Variants in TMTC2 observed in about 807,000 individuals in gnomAD.
TMTC2 encodes the protein protein O-mannosyl-transferase TMTC2.
Under a neutral mutation model 82.4 loss-of-function variants are expected in TMTC2, and 43 were observed. The ratio of observed to expected loss-of-function variants is 0.52; its 90% CI spans 0.41 to 0.67. TMTC2 has a LOEUF of 0.67. Among genes scored for constraint, TMTC2 ranks in the 30% least tolerant of loss-of-function variants. The pLI, the probability that TMTC2 is intolerant of heterozygous loss-of-function variation, is 0.00. For synonymous variants in TMTC2, 408 were observed against 381.9 expected, an observed-to-expected ratio of 1.07 and a Z score of -0.80; for missense variants, 919 against 1,012.4, an observed-to-expected ratio of 0.91 and a Z score of 1.25.
intron 11 of TMTC2, among the ~76,000 whole-genome samples, chr12:83,112,821 C>G (rs954260095): frequency 6.6e-6 from 1 of 152,074 alleles, no homozygotes; most frequent in Non-Finnish European, 1.5e-5. Flanking sequence ...ATCGCTATTT[C>G]AAGGTTGTTT....
intron 4 of TMTC2, among the ~76,000 whole-genome samples, chr12:82,931,204 C>T (rs988102928): frequency 6.6e-6 from 1 of 151,842 alleles, no homozygotes; most frequent in Non-Finnish European, 1.5e-5. Flanking sequence ...CCACTGTGCC[C>T]AGCCTTGATT....
chr12:82,997,221 C>CTATATATA (rs1183203782), intron 8 of TMTC2, among the ~76,000 whole-genome samples: 2 of 118,536 alleles, frequency 1.7e-5, no homozygotes, highest in African/African-American at 7.3e-5. Context: ...CTCTCTCTCT[C>CTATATATA]TATATATATA....
intron 7 of TMTC2, among the ~76,000 whole-genome samples, chr12:82,980,450 G>A (rs1878865908): frequency 6.6e-6 from 1 of 151,722 alleles, no homozygotes; most frequent in Admixed American, 6.6e-5. Flanking sequence ...GGAGAGACTA[G>A]AAATTAGGTA....
intron 1 of TMTC2, among the ~76,000 whole-genome samples, chr12:82,763,003 ATAAT>A (rs1481529528): frequency 1.3e-5 from 2 of 151,296 alleles, no homozygotes; most frequent in Non-Finnish European, 2.9e-5. Context: ...TAATTTATAA[ATAAT>A]TAGTTAATTA....
At chr12:82,812,801 AT>A (rs947016367) in intron 1 of TMTC2, among the ~76,000 whole-genome samples, 8 of 152,060 alleles carry the variant, frequency 5.3e-5, no homozygotes, top group South Asian at 4.2e-4. Flanking sequence ...ATAATTAACT[AT>A]TTTTTAATGT....
intron 1 of TMTC2, among the ~76,000 whole-genome samples, chr12:82,768,211 C>T (rs564868915): frequency 3.3e-5 from 5 of 152,174 alleles, no homozygotes; most frequent in African/African-American, 7.2e-5. Flanking sequence ...GCCCAGAATC[C>T]AGCACAAGAG....
intron 11 of TMTC2, among the ~76,000 whole-genome samples, chr12:83,130,913 G>A (rs993771933): frequency 4.6e-5 from 7 of 152,146 alleles, no homozygotes; most frequent in Non-Finnish European, 7.4e-5. Context: ...CTCAAACCCA[G>A]ATCTCTTAAA....
intron 10 of TMTC2, among the ~76,000 whole-genome samples, chr12:83,055,129 T>G (rs537854568): frequency 6.6e-6 from 1 of 152,162 alleles, no homozygotes; most frequent in Admixed American, 6.6e-5. Flanking sequence ...TCACATTTAT[T>G]AGAAGATGAT....
chr12:83,057,232 G>A (rs1428459475), intron 10 of TMTC2, among the ~76,000 whole-genome samples: 1 of 151,868 alleles, frequency 6.6e-6, no homozygotes, highest in East Asian at 1.9e-4. Context: ...AACAGTTTGA[G>A]GCCGTGAAAG....
chr12:83,083,794 T>C (rs912080176), intron 11 of TMTC2, among the ~76,000 whole-genome samples: 5 of 152,066 alleles, frequency 3.3e-5, no homozygotes, highest in East Asian at 1.9e-4. Flanking sequence ...AACCACAACA[T>C]GGGATGCTCA....
intron 11 of TMTC2, among the ~76,000 whole-genome samples, chr12:83,068,303 T>C (rs1882990745): frequency 6.6e-6 from 1 of 152,142 alleles, no homozygotes; most frequent in Non-Finnish European, 1.5e-5. Context: ...TTCCCACCTA[T>C]ATATGTATGT....
chr12:83,116,597 C>T (rs746652589), intron 11 of TMTC2, among the ~76,000 whole-genome samples: 1 of 152,142 alleles, frequency 6.6e-6, no homozygotes, highest in Admixed American at 6.5e-5. Flanking sequence ...ATGCCAACAT[C>T]TACTATTTTG....
At chr12:83,053,559 T>A (rs1336075238) in intron 10 of TMTC2, among the ~76,000 whole-genome samples, 1 of 152,052 alleles carries the variant, frequency 6.6e-6, no homozygotes, top group Non-Finnish European at 1.5e-5. Context: ...AAAAAAATTG[T>A]CATTCCATCT....
At chr12:83,043,798 T>TAA (rs1232949707) in intron 9 of TMTC2, among the ~76,000 whole-genome samples, 1 of 152,226 alleles carries the variant, frequency 6.6e-6, no homozygotes, top group Non-Finnish European at 1.5e-5. Flanking sequence ...GGGGGTATAT[T>TAA]AACCTATGAA....
rs1221861484 is a variant in TMTC2 at position 82,687,181 on chromosome 12, C to T, written c.-406C>T. 9.1e-6 allele frequency: 2 copies of T among 219,586 alleles called. No individual in the cohort carries two copies. The highest frequency in any genetic ancestry group is 1.1e-4 in the Admixed American group (2 of 18,892). The allele number at this position is 219,586 out of a possible 1,614,324, so 13.6% of individuals were successfully genotyped here. On this transcript the variant is annotated 5_prime_UTR_variant, in exon 1 of 12. Transcript: ENST00000321196. ...CAGAGCCCGGCTTGGTCCGGTCCCT[C>T]TGCCCCCATCCCGCACCCTTCCACC... is the stretch of plus-strand genomic sequence containing the variant.
At chr12:82,773,900 A>AT (rs1877445522) in intron 1 of TMTC2, among the ~76,000 whole-genome samples, 1 of 151,770 alleles carries the variant, frequency 6.6e-6, no homozygotes, top group African/African-American at 2.4e-5. Context: ...TTTAGGGAAG[A>AT]TTTTTCTGTG....
chr12:82,861,063 A>G (rs923216651), intron 2 of TMTC2, among the ~76,000 whole-genome samples: 3 of 152,244 alleles, frequency 2.0e-5, no homozygotes, highest in African/African-American at 7.2e-5. Context: ...TCTGCATCCT[A>G]GTTATCATGG....
chr12:83,027,092 T>G (rs1881216075), intron 8 of TMTC2, among the ~76,000 whole-genome samples: 1 of 151,996 alleles, frequency 6.6e-6, no homozygotes, highest in Non-Finnish European at 1.5e-5. Context: ...ATACAGTCCG[T>G]TTTTCTTCGT....
intron 8 of TMTC2, among the ~76,000 whole-genome samples, chr12:83,015,184 A>G (rs777246672): frequency 2.0e-5 from 3 of 152,198 alleles, no homozygotes. Context: ...TCCAAGCTCC[A>G]TGTTGGGGTT....
Sources: allele counts gnomAD v4.1 joint callset (sites outside exome capture counted in the v4.1 genomes callset), GRCh38; gene constraint gnomAD v4.1.1; transcripts MANE v1.5; gene names NCBI Gene and HGNC (gene_info 2026-07-23, HGNC 2026-07-21).